The following TENM3 variants were observed in gnomAD, a reference collection of about 807,000 sequenced individuals.
The protein encoded by TENM3 is teneurin-3.
In TENM3, 63 loss-of-function variants were observed where a neutral mutation model predicts 255.1. The observed-to-expected ratio is 0.25, with a 90% confidence interval of 0.20 to 0.30. The LOEUF is 0.30. TENM3 is among the 10% of genes least tolerant of loss of function. TENM3 has a pLI of 1.00. For synonymous variants in TENM3, 1,306 were observed against 1,322.3 expected (o/e 0.99, Z 0.27); for missense variants, 2,929 against 3,461.1 (o/e 0.85, Z 3.86).
At chr4:182,522,678 G>A (rs1190416663) in intron 3 of TENM3, among the ~76,000 whole-genome samples, 1 of 152,222 alleles carries the variant, frequency 6.6e-6, no homozygotes, top group African/African-American at 2.4e-5. Flanking sequence ...CTGCCGTGGT[G>A]TATACCACAT....
chr4:181,523,149 A>AC, the TENM3 span: 4 of 362,560 alleles, frequency 1.1e-5, no homozygotes, highest in East Asian at 2.4e-4. Flanking sequence ...GCCTGTACTC[A>AC]ATATATAAGC....
chr4:182,379,893 T>C (rs187046901), intron 3 of TENM3, among the ~76,000 whole-genome samples: 2 of 152,300 alleles, frequency 1.3e-5, no homozygotes, highest in East Asian at 3.9e-4. Flanking sequence ...GATAACTTTA[T>C]TGATCAAGTA....
chr4:181,539,656 T>G, the TENM3 span, among the ~76,000 whole-genome samples: 6 of 152,184 alleles, frequency 3.9e-5, no homozygotes, highest in Non-Finnish European at 8.8e-5. Flanking sequence ...ATCTTAGAAG[T>G]AGGCAAATAA....
Position 182,161,786 on chromosome 4 carries a change from AATATATGTATATATATACAC to A in TENM3, c.-76+17039_-76+17058del, listed in dbSNP as rs1751284491. ...ATATATGTGTATATATATATACACA[AATATATGTATATATATACAC>A]ATATATATGTATATATATACACATA... is the stretch of plus-strand genomic sequence containing the variant. On this transcript the variant is annotated intron_variant, in intron 1 of 2. Transcript: ENST00000512480. Among the ~76,000 whole-genome samples, 9 of 18,486 alleles carry A rather than the reference AATATATGTATATATATACAC, an allele frequency of 4.9e-4. 1 individual carries two copies. Among genetic ancestry groups the A allele is most frequent in the Admixed American group, 8.9e-4 (1 of 1,120 alleles). The allele number at this position is 18,486 out of a possible 152,430, so 12.1% of individuals were successfully genotyped here. A position where few individuals can be genotyped will look rare whatever the true frequency, so the allele number is the denominator to read the frequency against.
chr4:182,355,394 G>A (rs994818577), intron 3 of TENM3, among the ~76,000 whole-genome samples: 125 of 152,238 alleles, frequency 8.2e-4, no homozygotes, highest in African/African-American at 2.9e-3. Context: ...TTTTAATGCA[G>A]AGGAATAGTA....
the TENM3 span, among the ~76,000 whole-genome samples, chr4:181,460,796 A>G: frequency 6.6e-6 from 1 of 150,498 alleles, no homozygotes; most frequent in Admixed American, 6.7e-5. Flanking sequence ...GTGTAGGTTC[A>G]TTTCCTCCCT....
At chr4:182,702,863 C>A (rs1757993817) in intron 12 of TENM3, among the ~76,000 whole-genome samples, 1 of 151,884 alleles carries the variant, frequency 6.6e-6, no homozygotes. Flanking sequence ...CAGCCTCCCA[C>A]ATAGCTGGGA....
At chr4:181,643,294 C>T in the TENM3 span, among the ~76,000 whole-genome samples, 1 of 152,212 alleles carries the variant, frequency 6.6e-6, no homozygotes, top group South Asian at 2.1e-4. Flanking sequence ...GTAGTTCACT[C>T]ACGATTTGGC....
chr4:181,742,904 C>T, the TENM3 span, among the ~76,000 whole-genome samples: 9 of 148,432 alleles, frequency 6.1e-5, no homozygotes, highest in African/African-American at 2.0e-4. Flanking sequence ...TCAAGTCCCA[C>T]CTATAAGTGA....
the TENM3 span, among the ~76,000 whole-genome samples, chr4:181,683,895 C>G: frequency 6.6e-6 from 1 of 152,152 alleles, no homozygotes; most frequent in Admixed American, 6.6e-5. Flanking sequence ...TGACTTGGTC[C>G]TCTTTTCTTT....
chr4:182,594,102 C>A (rs1716578608), intron 3 of TENM3, among the ~76,000 whole-genome samples: 1 of 151,738 alleles, frequency 6.6e-6, no homozygotes, highest in Non-Finnish European at 1.5e-5. Flanking sequence ...ACTATGAGAT[C>A]AAATTCCTTC....
chr4:181,530,171 A>T, the TENM3 span, among the ~76,000 whole-genome samples: 38 of 152,220 alleles, frequency 2.5e-4, no homozygotes, highest in African/African-American at 8.7e-4. Flanking sequence ...TTTCTTTCTC[A>T]GTGATCATAA....
intron 3 of TENM3, among the ~76,000 whole-genome samples, chr4:182,502,844 T>C (rs1736448960): frequency 6.6e-6 from 1 of 151,584 alleles, no homozygotes; most frequent in African/African-American, 2.4e-5. Flanking sequence ...AATTTGTAGC[T>C]CTGTGGGCAT....
the TENM3 span, among the ~76,000 whole-genome samples, chr4:181,980,750 T>C: frequency 6.6e-6 from 1 of 152,226 alleles, no homozygotes. Flanking sequence ...ATGAAAATGA[T>C]TACATCGAAT....
the TENM3 span, among the ~76,000 whole-genome samples, chr4:182,067,726 G>C: frequency 6.6e-6 from 1 of 152,276 alleles, no homozygotes; most frequent in Admixed American, 6.5e-5. Context: ...CATATGTGGA[G>C]GGACTCCCTT....
At chr4:181,589,456 T>C in the TENM3 span, among the ~76,000 whole-genome samples, 1 of 152,144 alleles carries the variant, frequency 6.6e-6, no homozygotes, top group Non-Finnish European at 1.5e-5. Flanking sequence ...TTAAGGAAGA[T>C]TTAAAACAAT....
At chr4:182,780,176 T>C (rs1765054930) in intron 24 of TENM3, among the ~76,000 whole-genome samples, 1 of 152,156 alleles carries the variant, frequency 6.6e-6, no homozygotes, top group African/African-American at 2.4e-5. Flanking sequence ...TTCTAGGGCT[T>C]TTATGGTTTT....
At chr4:181,491,880 G>A in the TENM3 span, among the ~76,000 whole-genome samples, 1 of 152,078 alleles carries the variant, frequency 6.6e-6, no homozygotes, top group Non-Finnish European at 1.5e-5. Context: ...AGGAAAAAGT[G>A]AATACCACTT....
chr4:182,537,693 A>G (rs1395373684), intron 3 of TENM3, among the ~76,000 whole-genome samples: 4 of 152,170 alleles, frequency 2.6e-5, no homozygotes, highest in Admixed American at 6.5e-5. Context: ...TAGTAATTCT[A>G]CATTTTCCAC....
Sources: gnomAD v4.1 joint callset for allele counts (sites outside exome capture counted in the v4.1 genomes callset) on GRCh38, gnomAD v4.1.1 for gene constraint, MANE v1.5 for transcripts, NCBI Gene and HGNC (gene_info 2026-07-23, HGNC 2026-07-21) for gene names.